KLF8: variants seen among roughly 807,000 people sequenced by gnomAD.
KLF8 encodes KLF transcription factor 8, also known as Krueppel-like factor 8.
In KLF8, 10 loss-of-function variants were observed where a neutral mutation model predicts 18.2. The ratio of observed to expected loss-of-function variants is 0.55; its 90% CI spans 0.34 to 0.93. The LOEUF is 0.93. Ranked by LOEUF, KLF8 falls within the 40% of genes least tolerant of loss-of-function variation. The pLI is 0.02. For missense variants in KLF8, 264 were observed against 277.9 expected, an observed-to-expected ratio of 0.95 and a Z score of 0.36; for synonymous variants, 109 against 97.3, an observed-to-expected ratio of 1.12 and a Z score of -0.71.
At chrX:56,049,741 G>A in the KLF8 span, among the ~76,000 whole-genome samples, 3 of 110,106 alleles carry the variant, frequency 2.7e-5, no homozygotes, top group South Asian at 4.0e-4. Flanking sequence ...TTTTTGTTGT[G>A]TTTCTGCCTG....
At chrX:56,189,535 A>T in the KLF8 span, among the ~76,000 whole-genome samples, 1 of 111,208 alleles carries the variant, frequency 9.0e-6, no homozygotes, top group African/African-American at 3.3e-5. Context: ...TACCCAAAGG[A>T]CTATAAATCA....
At chrX:56,207,038 C>A in the KLF8 span, among the ~76,000 whole-genome samples, 1 of 112,879 alleles carries the variant, frequency 8.9e-6, no homozygotes, top group Non-Finnish European at 1.9e-5. Context: ...TGAGCTAGAG[C>A]TCAACATAGA....
chrX:55,994,235 T>C, the KLF8 span, among the ~76,000 whole-genome samples: 4 of 105,269 alleles, frequency 3.8e-5, no homozygotes, highest in South Asian at 3.9e-4. Context: ...AATAGACTTT[T>C]TTTTTTTCTT....
chrX:56,284,047 A>G (rs768394429), intron 5 of KLF8, among the ~76,000 whole-genome samples: 2 of 112,236 alleles, frequency 1.8e-5, no homozygotes, highest in Non-Finnish European at 3.8e-5. Context: ...TACCACAAAA[A>G]AAGATAAGTA....
chrX:56,080,676 C>T, the KLF8 span, among the ~76,000 whole-genome samples: 1 of 110,943 alleles, frequency 9.0e-6, no homozygotes, highest in Admixed American at 9.6e-5. Flanking sequence ...TCTGTATTTC[C>T]TGAATCTGAG....
At chrX:56,153,956 C>T in the KLF8 span, among the ~76,000 whole-genome samples, 3 of 111,585 alleles carry the variant, frequency 2.7e-5, no homozygotes, top group Non-Finnish European at 5.6e-5. Flanking sequence ...GAAGAACATT[C>T]CATGCTCATG....
At chrX:56,162,725 G>A in the KLF8 span, among the ~76,000 whole-genome samples, 10 of 111,375 alleles carry the variant, frequency 9.0e-5, no homozygotes, top group Non-Finnish European at 1.9e-4. Flanking sequence ...CCTGGGTGAG[G>A]TGATGCCTCG....
chrX:56,099,781 TGA>T, the KLF8 span, among the ~76,000 whole-genome samples: 2 of 111,631 alleles, frequency 1.8e-5, no homozygotes, highest in African/African-American at 6.5e-5. Context: ...TCATGAAGAC[TGA>T]GAGTGTTGAA....
chrX:55,910,680 A>T, the KLF8 span, among the ~76,000 whole-genome samples: 10 of 112,160 alleles, frequency 8.9e-5, no homozygotes, highest in Non-Finnish European at 1.7e-4. Flanking sequence ...ACTTGTAAAA[A>T]AAGAAGTAAC....
the KLF8 span, among the ~76,000 whole-genome samples, chrX:55,990,568 G>C: frequency 8.9e-6 from 1 of 112,089 alleles, no homozygotes; most frequent in Non-Finnish European, 1.9e-5. Context: ...TGCAGGAGGA[G>C]AGGCGCTCTG....
the KLF8 span, among the ~76,000 whole-genome samples, chrX:56,033,145 A>G: frequency 9.0e-6 from 1 of 111,516 alleles, no homozygotes; most frequent in South Asian, 3.8e-4. Context: ...TTCCTATCTA[A>G]CTTAAACCTG....
chrX:56,259,424 G>T (rs978559403), intron 2 of KLF8, among the ~76,000 whole-genome samples: 1 of 109,858 alleles, frequency 9.1e-6, no homozygotes, highest in African/African-American at 3.3e-5. Flanking sequence ...CTTTCTCAGG[G>T]TTCATACATT....
At chrX:56,174,959 T>A in the KLF8 span, among the ~76,000 whole-genome samples, 244 of 112,152 alleles carry the variant, frequency 2.2e-3, no homozygotes, top group South Asian at 4.4e-3. Context: ...TTGTCATTTT[T>A]TATTGCGTCT....
At chrX:56,095,678 G>C in the KLF8 span, among the ~76,000 whole-genome samples, 6 of 111,222 alleles carry the variant, frequency 5.4e-5, no homozygotes, top group Non-Finnish European at 1.1e-4. Flanking sequence ...AAAGACATAC[G>C]AGTGACTAAG....
At chrX:55,992,956 G>A in the KLF8 span, among the ~76,000 whole-genome samples, 1 of 111,565 alleles carries the variant, frequency 9.0e-6, no homozygotes, top group Non-Finnish European at 1.9e-5. Context: ...TTTATACCTT[G>A]AAACTTTGCT....
the KLF8 span, among the ~76,000 whole-genome samples, chrX:56,016,703 C>G: frequency 6.3e-5 from 7 of 111,306 alleles, no homozygotes; most frequent in East Asian, 2.8e-4. Context: ...GTTCCTGAGT[C>G]TACATTTTAA....
At chrX:56,178,624 T>A in the KLF8 span, among the ~76,000 whole-genome samples, 3 of 112,421 alleles carry the variant, frequency 2.7e-5, no homozygotes, top group Admixed American at 1.9e-4. Context: ...TAGTTCTAAC[T>A]TTTAAGTCTT....
intron 1 of KLF8, among the ~76,000 whole-genome samples, chrX:56,236,980 TA>T (rs2066483855): frequency 9.5e-6 from 1 of 105,681 alleles, no homozygotes. Context: ...TATATATATA[TA>T]TATGGTTCAG....
At chrX:56,130,748 T>A in the KLF8 span, among the ~76,000 whole-genome samples, 95 of 111,770 alleles carry the variant, frequency 8.5e-4, no homozygotes, top group Non-Finnish European at 1.5e-3. Context: ...AACTTTAAAA[T>A]TTTTTAAAAG....
Sources: allele counts gnomAD v4.1 joint callset (sites outside exome capture counted in the v4.1 genomes callset), GRCh38; gene constraint gnomAD v4.1.1; transcripts MANE v1.5; gene names NCBI Gene and HGNC (gene_info 2026-07-23, HGNC 2026-07-21).